The following OPN4 variants were observed in gnomAD, a reference collection of about 807,000 sequenced individuals.
The protein encoded by OPN4 is opsin 4.
Under a neutral mutation model 49.5 loss-of-function variants are expected in OPN4, and 43 were observed. The observed-to-expected ratio is 0.87, with a 90% CI of 0.68 to 1.12. The LOEUF is 1.12. OPN4 is among the 50% of genes most tolerant of loss of function. OPN4 has a pLI of 0.00. For synonymous variants in OPN4, 263 were observed against 258.0 expected, an observed-to-expected ratio of 1.02 and a Z score of -0.19; for missense variants, 657 against 643.9, an observed-to-expected ratio of 1.02 and a Z score of -0.22.
chr10:86,662,558 G>A lies in OPN4; in HGVS notation c.1254+126G>A. 13 of 890,494 alleles carry A rather than the reference G, an allele frequency of 1.5e-5. No individual in the cohort carries two copies. The South Asian group carries it at 2.1e-4, about 15-fold the overall frequency. The allele number at this position is 890,494 out of a possible 1,614,324, so 55.2% of individuals were successfully genotyped here. On this transcript the variant is annotated intron_variant, in intron 8 of 9. Coordinates refer to ENST00000241891, the MANE Select transcript of OPN4 (RefSeq NM_033282.4). ...AGACTCAGGGACACTGAGGACGCTG[G>A]CACCCTGGCAGGAAGAGCCCCTCCC... is the stretch of plus-strand genomic sequence containing the variant.
intron 9 of OPN4, chr10:86,664,090 G>A: frequency 2.8e-6 from 1 of 356,998 alleles, no homozygotes; most frequent in Non-Finnish European, 5.1e-6. Context: ...CATGATAAGA[G>A]TACATGTGTG....
In OPN4 at chr10:86,659,298, C is replaced by T. The variant is rs750708805; in HGVS notation, c.630C>T (p.Ser210=). The T allele has an allele frequency of 2.0e-5, 32 of 1,610,044 alleles. No individual in the cohort carries two copies. The highest frequency in any genetic ancestry group is 1.3e-4 in the South Asian group (12 of 90,698). The change falls in exon 5 of 10, where the codon AGC becomes AGT. Residue 210 remains serine, a splice_region_variant and synonymous_variant. Transcript: ENST00000241891. ...CTGAGCACCTGCCCTGGCTCCCAGG[C>T]GCCTACGTGCCCGAGGGGTTGCTGA... ...AWSLPPFFGW[S]AYVPEGLLTS...
chr10:86,655,831 C>T (rs1263995704), intron 1 of OPN4, among the ~76,000 whole-genome samples: 1 of 152,146 alleles, frequency 6.6e-6, no homozygotes, highest in African/African-American at 2.4e-5. Context: ...TCTGTCTTCT[C>T]CCTAAGGAAA....
rs1392133314 is a variant in OPN4 at position 86,659,983 on chromosome 10, A to G, written c.889A>G (p.Ile297Val). The G allele has an allele frequency of 6.8e-6, 11 of 1,614,172 alleles. No individual in the cohort carries two copies. The highest frequency in any genetic ancestry group is 9.3e-6 in the Non-Finnish European group (11 of 1,180,020). Residue 297 changes from isoleucine (I) to valine (V), a missense_variant, in exon 6 of 10, where the codon ATC becomes GTC. Coordinates refer to ENST00000241891, the MANE Select transcript of OPN4 (RefSeq NM_033282.4). ...RLQSECKMAKIMLLVILLFVL... is the reference protein window; with the variant it reads ...RLQSECKMAKVMLLVILLFVL... Reference sequence around the variant, plus strand: ...GCAGAGCGAGTGCAAGATGGCCAAGATCATGCTGCTGGTCATCCTCCTCTT... The same window carrying G: ...GCAGAGCGAGTGCAAGATGGCCAAGGTCATGCTGCTGGTCATCCTCCTCTT...
intron 2 of OPN4, among the ~76,000 whole-genome samples, 197 bp downstream of exon 2, chr10:86,656,497 A>G (rs1375921710): frequency 6.6e-6 from 1 of 152,228 alleles, no homozygotes; most frequent in African/African-American, 2.4e-5. Context: ...AAAATGGTCC[A>G]GGGAGACTTG....
In OPN4 at chr10:86,659,920, A is replaced by T. The variant is rs773651874; in HGVS notation, c.826A>T (p.Lys276Ter). ...GGCTCTCCAGACCTTCGGGGCCTGC[A>T]AGGGCAATGGCGAGTCCCTGTGGCA... ...GRALQTFGAC[K>*]GNGESLWQRQ... Residue 276 changes from lysine to a stop codon, truncating the protein, a stop_gained, in exon 6 of 10, where the codon AAG (lysine) becomes TAG (stop). Coordinates refer to ENST00000241891, the MANE Select transcript of OPN4 (RefSeq NM_033282.4). LOFTEE classifies it high-confidence loss of function. The T allele has an allele frequency of 6.2e-7, 1 of 1,614,178 alleles. No individual in the cohort carries two copies. Among genetic ancestry groups the T allele is most frequent in the Non-Finnish European group, 8.5e-7 (1 of 1,180,014 alleles).
At chr10:86,658,462 A>G in intron 3 of OPN4, 22 bp from the exon 4 acceptor site, 1 of 1,612,786 alleles carries the variant, frequency 6.2e-7, no homozygotes, top group Non-Finnish European at 8.5e-7. Flanking sequence ...CCCAGGACTC[A>G]GAGCAGGGGC....
rs1843831339 is a variant in OPN4, at chr10:86,654,946, G to C, written c.144+19G>C. 6.2e-7 allele frequency: 1 copy of C among 1,611,598 alleles called. No homozygotes were observed. The highest frequency in any genetic ancestry group is 8.5e-7 in the Non-Finnish European group (1 of 1,178,468). ...TCCCACAGTAAGCCTGGGCGAGCAT[G>C]TGCATGCACAGAGCCTTCCCTGACC... On this transcript the variant is annotated intron_variant, in intron 1 of 9. Transcript: ENST00000241891.
intron 4 of OPN4, 22 bp from the exon 5 acceptor site, chr10:86,659,275 G>A: frequency 6.2e-7 from 1 of 1,601,566 alleles, no homozygotes; most frequent in Non-Finnish European, 8.5e-7. Flanking sequence ...CCCAAAGGCT[G>A]AGCACCTGCC....
Position 86,662,315 on chromosome 10 carries a change from T to G in OPN4, c.1137T>G (p.Ser379Arg). ...GVLLGVSRRH[S>R]RPYPSYRSTH... ...TGCTGGGTGTATCACGCCGGCACAG[T>G]CGCCCCTACCCCAGCTACCGCTCCA... The change falls in exon 8 of 10, where the codon AGT (serine) becomes AGG (arginine). Residue 379 changes from serine to arginine, a missense_variant. Coordinates refer to ENST00000241891, the MANE Select transcript of OPN4 (RefSeq NM_033282.4). The G allele has an allele frequency of 6.2e-7, 1 of 1,607,004 alleles. No homozygotes were observed.
chr10:86,660,787 C>A (rs558616991), intron 6 of OPN4, among the ~76,000 whole-genome samples: 1 of 152,204 alleles, frequency 6.6e-6, no homozygotes, highest in African/African-American at 2.4e-5. Flanking sequence ...TCCAGAGCTG[C>A]ACCCTCAACC....
At chr10:86,664,297 C>G (rs1204194105) in intron 9 of OPN4, among the ~76,000 whole-genome samples, 2 of 152,140 alleles carry the variant, frequency 1.3e-5, no homozygotes, top group Non-Finnish European at 2.9e-5. Flanking sequence ...TGGTATGTAC[C>G]TCTCTGTGTG....
chr10:86,665,045 G>C (rs1447741529), intron 9 of OPN4, among the ~76,000 whole-genome samples: 1 of 152,160 alleles, frequency 6.6e-6, no homozygotes, highest in Non-Finnish European at 1.5e-5. Flanking sequence ...GTGGGGAGTG[G>C]GGGGAGCACT....
intron 2 of OPN4, among the ~76,000 whole-genome samples, chr10:86,656,759 T>A (rs1008497387): frequency 6.6e-5 from 10 of 151,770 alleles, no homozygotes; most frequent in African/African-American, 2.2e-4. Context: ...GCCTGGCCAA[T>A]GTGGTGAAAC....
In OPN4 at chr10:86,656,285, T is replaced by A; in HGVS notation, c.275T>A (p.Ile92Asn). ...GGGATGCTGGGCAACCTGACGGTCA[T>A]CTATACCTTCTGCAGGTGCCTGGTT... is the stretch of plus-strand genomic sequence containing the variant. ...LTGMLGNLTV[I>N]YTFCRSRSLR... The change falls in exon 2 of 10, where the codon ATC becomes AAC. Residue 92 changes from isoleucine to asparagine, a missense_variant. Ile to Asn is a moderately radical substitution (Grantham distance 149, BLOSUM62 -3). Coordinates refer to ENST00000241891, the MANE Select transcript of OPN4 (RefSeq NM_033282.4). The A allele has an allele frequency of 6.2e-7, 1 of 1,603,766 alleles. No individual in the cohort carries two copies. Among genetic ancestry groups the A allele is most frequent in the Non-Finnish European group, 8.5e-7 (1 of 1,173,334 alleles).
At position 86,658,620 on chromosome 10, in the gene OPN4, G is replaced by A. The variant is rs374126353; in HGVS notation, c.561G>A (p.Ala187=). The change falls in exon 4 of 10, where the codon GCG becomes GCA. Residue 187 remains alanine, a synonymous_variant. Transcript: ENST00000241891. Reference sequence around the variant, plus strand: ...TTGGTGTGGCGTCCAAGAGGCGTGCGGCATTTGTCCTGCTGGGCGTTTGGC... The same window carrying A: ...TTGGTGTGGCGTCCAAGAGGCGTGCAGCATTTGTCCTGCTGGGCGTTTGGC... The part of the protein sequence containing the change: ...ATFGVASKRR[A]AFVLLGVWLY... 431 of 1,614,114 alleles carry A rather than the reference G, an allele frequency of 2.7e-4. 5 individuals are homozygous for A. The South Asian group carries it at 3.9e-3, about 15-fold the overall frequency.
At position 86,659,311 on chromosome 10, in the gene OPN4, G is replaced by T; in HGVS notation, c.643G>T (p.Glu215Ter). The T allele has an allele frequency of 6.2e-7, 1 of 1,612,726 alleles. No individual in the cohort carries two copies. The change falls in exon 5 of 10, where the codon GAG becomes TAG. Residue 215 changes from glutamate to a stop codon, truncating the protein, a stop_gained. Transcript: ENST00000241891. LOFTEE classifies it high-confidence loss of function. ...CTGGCTCCCAGGCGCCTACGTGCCC[G>T]AGGGGTTGCTGACATCCTGCTCCTG... is the stretch of plus-strand genomic sequence containing the variant. ...PFFGWSAYVP[E>*]GLLTSCSWDY...
intron 2 of OPN4, among the ~76,000 whole-genome samples, 157 bp from the exon 3 acceptor site, chr10:86,657,875 G>A (rs573336245): frequency 6.6e-6 from 1 of 152,274 alleles, no homozygotes; most frequent in Non-Finnish European, 1.5e-5. Context: ...GGATAGCTCT[G>A]TGGCCCGGCA....
intron 8 of OPN4, 36 bp downstream of exon 8, chr10:86,662,468 C>T (rs1375604160): frequency 1.3e-6 from 2 of 1,527,884 alleles, no homozygotes; most frequent in Non-Finnish European, 1.8e-6. Flanking sequence ...TTGCGCCTGG[C>T]CATCCCTTCC....
Sources: allele counts gnomAD v4.1 joint callset (sites outside exome capture counted in the v4.1 genomes callset), GRCh38; gene constraint gnomAD v4.1.1; transcripts MANE v1.5; gene names NCBI Gene and HGNC (gene_info 2026-07-23, HGNC 2026-07-21).